LRRC4C: variants seen among roughly 807,000 people sequenced by gnomAD.
LRRC4C encodes leucine-rich repeat-containing protein 4C.
In LRRC4C, 5 loss-of-function variants were observed where a neutral mutation model predicts 33.6. The observed-to-expected ratio is 0.15, with a 90% confidence interval of 0.08 to 0.31. LRRC4C has a LOEUF of 0.31. Among genes scored for constraint, LRRC4C ranks in the 10% least tolerant of loss-of-function variants. The pLI, the probability that LRRC4C is intolerant of heterozygous loss-of-function variation, is 1.00. For synonymous variants in LRRC4C, 329 were observed against 302.0 expected, an observed-to-expected ratio of 1.09 and a Z score of -0.93; for missense variants, 560 against 796.7, an observed-to-expected ratio of 0.70 and a Z score of 3.58.
At chr11:40,155,208 C>T (rs568600317) in intron 5 of LRRC4C, among the ~76,000 whole-genome samples, 10 of 152,020 alleles carry the variant, frequency 6.6e-5, no homozygotes, top group East Asian at 3.9e-4. Context: ...ACAGCAAAGG[C>T]GTTGGTAAGA....
chr11:40,919,288 C>A (rs939275448), intron 2 of LRRC4C, among the ~76,000 whole-genome samples: 2 of 152,104 alleles, frequency 1.3e-5, no homozygotes, highest in Admixed American at 1.3e-4. Flanking sequence ...CCAAGTTTTA[C>A]CACCTTCTAA....
At chr11:40,733,810 C>A (rs1015051995) in intron 2 of LRRC4C, among the ~76,000 whole-genome samples, 1 of 152,092 alleles carries the variant, frequency 6.6e-6, no homozygotes, top group African/African-American at 2.4e-5. Context: ...TTCATTGTGA[C>A]CCTAAGACCC....
At chr11:40,330,090 T>C (rs1380254047) in intron 3 of LRRC4C, among the ~76,000 whole-genome samples, 1 of 152,076 alleles carries the variant, frequency 6.6e-6, no homozygotes, top group African/African-American at 2.4e-5. Flanking sequence ...ATCCAATGAG[T>C]CATACCAGTC....
chr11:41,071,569 T>C (rs1376939106), intron 1 of LRRC4C, among the ~76,000 whole-genome samples: 1 of 152,174 alleles, frequency 6.6e-6, no homozygotes, highest in Admixed American at 6.5e-5. Flanking sequence ...TGTTGAGGCC[T>C]ACTGCTCAGA....
At chr11:40,191,304 C>A (rs1861823268) in intron 5 of LRRC4C, among the ~76,000 whole-genome samples, 1 of 152,182 alleles carries the variant, frequency 6.6e-6, no homozygotes, top group African/African-American at 2.4e-5. Flanking sequence ...GTTTCATTTT[C>A]TCAAATTGTA....
At chr11:41,073,685 G>A (rs1466619951) in intron 1 of LRRC4C, among the ~76,000 whole-genome samples, 1 of 152,174 alleles carries the variant, frequency 6.6e-6, no homozygotes, top group Non-Finnish European at 1.5e-5. Flanking sequence ...ATAAATGCAA[G>A]CTTATATTGG....
In LRRC4C at chr11:41,334,581, C is replaced by T. The variant is rs61877315; in HGVS notation, c.-496+124850G>A. On this transcript the variant is annotated intron_variant, in intron 1 of 6. Coordinates refer to ENST00000528697, the MANE Select transcript of LRRC4C (RefSeq NM_001258419.2). ...GGCATGGTGGCTCATGCTTGTCATT[C>T]AGGCACTTTGAGAGGCTGAAGTCAG... is the stretch of plus-strand genomic sequence containing the variant. 2.6e-5 allele frequency among the ~76,000 whole-genome samples: 4 copies of T among 152,216 alleles called. No individual in the cohort carries two copies. In the East Asian group the frequency reaches 7.7e-4, roughly 29 times the overall value.
At chr11:40,477,756 A>G (rs1953315243) in intron 3 of LRRC4C, among the ~76,000 whole-genome samples, 1 of 152,142 alleles carries the variant, frequency 6.6e-6, no homozygotes, top group African/African-American at 2.4e-5. Context: ...AAAGAAGAGC[A>G]GTTTTGGAAA....
At chr11:41,250,652 C>T (rs1336066559) in intron 1 of LRRC4C, among the ~76,000 whole-genome samples, 2 of 152,104 alleles carry the variant, frequency 1.3e-5, no homozygotes, top group Non-Finnish European at 2.9e-5. Flanking sequence ...TCTGTGAATC[C>T]ATAAGGCACA....
chr11:40,179,382 C>T (rs540690573), intron 5 of LRRC4C, among the ~76,000 whole-genome samples: 1 of 152,226 alleles, frequency 6.6e-6, no homozygotes, highest in Non-Finnish European at 1.5e-5. Flanking sequence ...TGAGTCCTCA[C>T]TGAAACACAG....
chr11:41,063,000 A>G (rs759669913), intron 1 of LRRC4C, among the ~76,000 whole-genome samples: 1 of 152,204 alleles, frequency 6.6e-6, no homozygotes, highest in East Asian at 1.9e-4. Context: ...GAGACAATAC[A>G]TATCTGTTGT....
chr11:41,373,740 G>C (rs1952837428), intron 1 of LRRC4C, among the ~76,000 whole-genome samples: 1 of 151,984 alleles, frequency 6.6e-6, no homozygotes, highest in South Asian at 2.1e-4. Context: ...TGAATGTATA[G>C]GATCCATGAA....
intron 3 of LRRC4C, among the ~76,000 whole-genome samples, chr11:40,578,692 T>C (rs1958329336): frequency 6.6e-6 from 1 of 152,196 alleles, no homozygotes; most frequent in Non-Finnish European, 1.5e-5. Flanking sequence ...TTCAACTCTT[T>C]TATTTTTGAA....
intron 3 of LRRC4C, among the ~76,000 whole-genome samples, chr11:40,342,509 T>C (rs958947105): frequency 2.0e-5 from 3 of 151,994 alleles, no homozygotes; most frequent in Non-Finnish European, 4.4e-5. Context: ...AAGGCTTATA[T>C]CTCATAAATC....
Position 40,936,036 on chromosome 11 carries a change from AT to A in LRRC4C, c.-495-2314del, listed in dbSNP as rs1957873780. On this transcript the variant is annotated intron_variant, in intron 1 of 6. Transcript: ENST00000528697. ...ATTTTATATATATATATATATATAT[AT>A]ATATATATATATATATATATATATA... 4.8e-4 allele frequency among the ~76,000 whole-genome samples: 29 copies of A among 59,840 alleles called. 1 individual carries two copies. Among genetic ancestry groups the A allele is most frequent in the Middle Eastern group, 0.01 (1 of 98 alleles). 39.3% of individuals were successfully genotyped at this position (59,840 alleles called of 152,430 possible). A position where few individuals can be genotyped will look rare whatever the true frequency, so the allele number is the denominator to read the frequency against.
intron 3 of LRRC4C, among the ~76,000 whole-genome samples, chr11:40,477,934 G>A (rs1798781941): frequency 6.6e-6 from 1 of 152,148 alleles, no homozygotes; most frequent in South Asian, 2.1e-4. Context: ...TTTCTGTGCA[G>A]TTCTCATGAC....
chr11:41,083,306 G>T (rs566914355), intron 1 of LRRC4C, among the ~76,000 whole-genome samples: 1 of 151,916 alleles, frequency 6.6e-6, no homozygotes, highest in Non-Finnish European at 1.5e-5. Context: ...TACCATATGC[G>T]AGTTACCCAT....
In LRRC4C at chr11:40,227,934, C is replaced by A. The variant is rs117110399; in HGVS notation, c.-96+13585G>T. ...AAGAGAATGATGAGTCATATGTTAACCCACATAAACCAGAGAGCAATCTGC... is the reference window on the plus strand; with the variant it reads ...AAGAGAATGATGAGTCATATGTTAAACCACATAAACCAGAGAGCAATCTGC... On this transcript the variant is annotated intron_variant, in intron 5 of 6. Coordinates refer to ENST00000528697, the MANE Select transcript of LRRC4C (RefSeq NM_001258419.2). 7.1e-3 allele frequency among the ~76,000 whole-genome samples: 1,075 copies of A among 152,200 alleles called. 7 individuals are homozygous for A. Among genetic ancestry groups the A allele is most frequent in the Non-Finnish European group, 0.011 (756 of 68,002 alleles).
intron 2 of LRRC4C, among the ~76,000 whole-genome samples, chr11:40,704,702 T>G (rs888010772): frequency 6.6e-5 from 10 of 152,166 alleles, no homozygotes; most frequent in Non-Finnish European, 1.0e-4. Flanking sequence ...ATGATCAGGA[T>G]TAATTAAAGT....
Sources: gnomAD v4.1 joint callset for allele counts (sites outside exome capture counted in the v4.1 genomes callset) on GRCh38, gnomAD v4.1.1 for gene constraint, MANE v1.5 for transcripts, NCBI Gene and HGNC (gene_info 2026-07-23, HGNC 2026-07-21) for gene names.